MED8: variants seen among roughly 807,000 people sequenced by gnomAD.
The protein encoded by MED8 is mediator complex subunit 8.
MED8 carries 22 observed loss-of-function variants against 34.8 expected under a neutral mutation model. The ratio of observed to expected loss-of-function variants is 0.63; its 90% CI spans 0.45 to 0.90. The LOEUF is 0.90. Ranked by LOEUF, MED8 falls within the 40% of genes least tolerant of loss-of-function variation. The pLI, the probability that MED8 is intolerant of heterozygous loss-of-function variation, is 0.00. For synonymous variants in MED8, 105 were observed against 120.2 expected (o/e 0.87, Z 0.83); for missense variants, 260 against 326.3 (o/e 0.80, Z 1.57).
chr1:43,385,765 TTC>T (rs1230232953), intron 6 of MED8: 1 of 649,300 alleles, frequency 1.5e-6, no homozygotes, highest in Non-Finnish European at 2.6e-6. Flanking sequence ...TTGGAGCAGT[TTC>T]TGTTACTCAA....
At chr1:43,388,232 A>T in intron 2 of MED8, 78 bp downstream of exon 2, 1 of 1,355,414 alleles carries the variant, frequency 7.4e-7, no homozygotes, top group Middle Eastern at 2.3e-4. Flanking sequence ...TGGTTACATC[A>T]TTAGAAATGT....
Position 43,387,408 on chromosome 1 carries a change from T to C in MED8, c.270+95A>G, listed in dbSNP as rs1647771589. On this transcript the variant is annotated intron_variant, in intron 3 of 6. Coordinates refer to ENST00000372457, the MANE Select transcript of MED8 (RefSeq NM_201542.5). ...AAAAAGCAAGGCCTCCAAAATTATT[T>C]CTAGGCTCTCAGCTAATAACTTAAT... 2.0e-6 allele frequency: 3 copies of C among 1,473,862 alleles called. No individual in the cohort carries two copies. In the African/African-American group the frequency reaches 4.3e-5, roughly 21 times the overall value. The allele number at this position is 1,473,862 out of a possible 1,614,324, so 91.3% of individuals were successfully genotyped here.
chr1:43,387,195 C>T (rs1271769056), intron 3 of MED8, among the ~76,000 whole-genome samples, 197 bp from the exon 4 acceptor site: 2 of 152,114 alleles, frequency 1.3e-5, no homozygotes, highest in East Asian at 3.9e-4. Context: ...CCTATCTCTA[C>T]CAGACCTAGG....
Position 43,388,290 on chromosome 1 carries a change from C to G in MED8, c.125+20G>C, listed in dbSNP as rs1163936569. ...CCCCCCACCCATAAGCCCTTCCTAG[C>G]TTGCCCTGGTAACTCTTACCAGGTC... is the stretch of plus-strand genomic sequence containing the variant. On this transcript the variant is annotated intron_variant, in intron 2 of 6. Transcript: ENST00000372457. 5 of 1,611,934 alleles carry G rather than the reference C, an allele frequency of 3.1e-6. No individual in the cohort carries two copies. The highest frequency in any genetic ancestry group is 4.2e-6 in the Non-Finnish European group (5 of 1,179,758).
rs1362600676 is a variant in MED8 at position 43,384,596 on chromosome 1, T to A, written c.*446A>T. ...TCTAAGAACACAGAGGTTGCTACAG[T>A]TTCTGGCAGCACAAAATAAGCATAG... On this transcript the variant is annotated 3_prime_UTR_variant, in exon 7 of 7. Coordinates refer to ENST00000372457, the MANE Select transcript of MED8 (RefSeq NM_201542.5). 2 of 1,555,066 alleles carry A rather than the reference T, an allele frequency of 1.3e-6. No homozygotes were observed. Among genetic ancestry groups the A allele is most frequent in the East Asian group, 4.7e-5 (2 of 42,712 alleles).
At chr1:43,388,648 C>G (rs1647876745) in intron 1 of MED8, 2 of 604,058 alleles carry the variant, frequency 3.3e-6, no homozygotes, top group Non-Finnish European at 5.5e-6. Flanking sequence ...GTCCTTCCAC[C>G]AACTGATTCC....
intron 6 of MED8, 63 bp from the exon 7 acceptor site, chr1:43,385,169 G>A: frequency 6.5e-7 from 1 of 1,540,548 alleles, no homozygotes; most frequent in South Asian, 1.2e-5. Context: ...AATCAGAAAT[G>A]TGGTACCTCA....
At position 43,387,008 on chromosome 1, in the gene MED8, A is replaced by G. The variant is rs1181706151; in HGVS notation, c.271-10T>C. 2 of 1,613,736 alleles carry G rather than the reference A, an allele frequency of 1.2e-6. No individual in the cohort carries two copies. Among genetic ancestry groups the G allele is most frequent in the Admixed American group, 3.3e-5 (2 of 60,012 alleles). ...GTCCTTCAGTCTGCCGCTGTAACAC[A>G]CAGATTTTATTGATCCTACTCTGTA... On this transcript the variant is annotated splice_polypyrimidine_tract_variant and intron_variant, in intron 3 of 6. Coordinates refer to ENST00000372457, the MANE Select transcript of MED8 (RefSeq NM_201542.5).
At position 43,384,735 on chromosome 1, in the gene MED8, T is replaced by A. The variant is rs1030298409; in HGVS notation, c.*307A>T. 1.3e-5 allele frequency: 19 copies of A among 1,433,876 alleles called. No individual in the cohort carries two copies. In the African/African-American group the frequency reaches 2.2e-4, roughly 16 times the overall value. The allele number at this position is 1,433,876 out of a possible 1,614,324, so 88.8% of individuals were successfully genotyped here. On this transcript the variant is annotated 3_prime_UTR_variant, in exon 7 of 7. Transcript: ENST00000372457. ...GGTGGGGAGAAGGATCTGTAGAAAC[T>A]ATCATTTATTGAATACCCATTATTT...
chr1:43,385,885 C>T, intron 6 of MED8, 93 bp downstream of exon 6: 1 of 1,536,448 alleles, frequency 6.5e-7, no homozygotes, highest in East Asian at 2.3e-5. Context: ...GAGAAAACCT[C>T]TAGGTCTAGA....
At chr1:43,387,033 A>G (rs1481042865) in intron 3 of MED8, 35 bp from the exon 4 acceptor site, 3 of 1,608,196 alleles carry the variant, frequency 1.9e-6, no homozygotes, top group Non-Finnish European at 2.5e-6. Flanking sequence ...CCTACTCTGT[A>G]CTCCAAGAAG....
chr1:43,386,471 A>G lies in MED8; in HGVS notation c.493+118T>C, dbSNP rs1302391768. 1.6e-6 allele frequency: 2 copies of G among 1,212,708 alleles called. No individual in the cohort carries two copies. The highest frequency in any genetic ancestry group is 2.3e-6 in the Non-Finnish European group (2 of 856,968). The allele number at this position is 1,212,708 out of a possible 1,614,324, so 75.1% of individuals were successfully genotyped here. Reference sequence around the variant, plus strand: ...AATACAAAAGGCTAACAGAATGGATACAAACCCCAAAGCAGTTCACCCTTG... The same window carrying G: ...AATACAAAAGGCTAACAGAATGGATGCAAACCCCAAAGCAGTTCACCCTTG... On this transcript the variant is annotated intron_variant, in intron 5 of 6. Coordinates refer to ENST00000372457, the MANE Select transcript of MED8 (RefSeq NM_201542.5). This position sits in a 1 kb window ranked among gnomAD's most constrained non-coding sequence, Gnocchi z 4.9.
Position 43,388,632 on chromosome 1 carries a change from C to G in MED8, c.7-204G>C. On this transcript the variant is annotated intron_variant, in intron 1 of 6. Coordinates refer to ENST00000372457, the MANE Select transcript of MED8 (RefSeq NM_201542.5). ...GAGACCTTCCAACCTGTTTGCCTGA[C>G]CCCAAGTCCTTCCACCAACTGATTC... The G allele has an allele frequency of 4.1e-6, 3 of 732,466 alleles. No homozygotes were observed. In the East Asian group the frequency reaches 8.8e-5, roughly 22 times the overall value. 45.4% of individuals were successfully genotyped at this position (732,466 alleles called of 1,614,324 possible).
At chr1:43,385,181 G>C in intron 6 of MED8, 75 bp from the exon 7 acceptor site, 1 of 1,525,216 alleles carries the variant, frequency 6.6e-7, no homozygotes, top group Non-Finnish European at 8.8e-7. Context: ...GGTACCTCAG[G>C]TTCCCTCTGT....
chr1:43,388,517 C>A, intron 1 of MED8, 89 bp from the exon 2 acceptor site: 1 of 1,558,732 alleles, frequency 6.4e-7, no homozygotes. Context: ...TGGTGTGCAA[C>A]ACCAGTCAGG....
In MED8 at chr1:43,384,461, G is replaced by GC; in HGVS notation, c.*580dup. The GC allele has an allele frequency of 1.2e-6, 2 of 1,603,584 alleles. No individual in the cohort carries two copies. The highest frequency in any genetic ancestry group is 1.7e-6 in the Non-Finnish European group (2 of 1,175,032). ...AGCAGGCCCAAGCTTCACCAGAGCT[G>GC]CAGGTGGGCATTTTTTTTTCCTTCC... On this transcript the variant is annotated 3_prime_UTR_variant, in exon 7 of 7. Coordinates refer to ENST00000372457, the MANE Select transcript of MED8 (RefSeq NM_201542.5).
chr1:43,388,618 A>G (rs1647873414), intron 1 of MED8, 190 bp from the exon 2 acceptor site: 1 of 905,998 alleles, frequency 1.1e-6, no homozygotes, highest in Admixed American at 3.0e-5. Context: ...AGACCTTCCA[A>G]CCTGTTTGCC....
In MED8 at chr1:43,386,315, T is replaced by C; in HGVS notation, c.494-89A>G. ...GAAGACCAGTATGAGTGCCAGGGTTTGGAGTTCTGAATTCAGCAACATCTA... is the reference window on the plus strand; with the variant it reads ...GAAGACCAGTATGAGTGCCAGGGTTCGGAGTTCTGAATTCAGCAACATCTA... On this transcript the variant is annotated intron_variant, in intron 5 of 6. Transcript: ENST00000372457. This position sits in a 1 kb window ranked among gnomAD's most constrained non-coding sequence, Gnocchi z 4.9. 6 of 1,493,274 alleles carry C rather than the reference T, an allele frequency of 4.0e-6. No individual in the cohort carries two copies. Among genetic ancestry groups the C allele is most frequent in the Non-Finnish European group, 5.4e-6 (6 of 1,118,252 alleles). 92.5% of individuals were successfully genotyped at this position (1,493,274 alleles called of 1,614,324 possible). A position where few individuals can be genotyped will look rare whatever the true frequency, so the allele number is the denominator to read the frequency against.
Position 43,384,749 on chromosome 1 carries a change from T to C in MED8, c.*293A>G, listed in dbSNP as rs1158461183. 5.6e-6 allele frequency: 8 copies of C among 1,430,764 alleles called. No individual in the cohort carries two copies. The highest frequency in any genetic ancestry group is 4.6e-5 in the South Asian group (3 of 64,530). 88.6% of individuals were successfully genotyped at this position (1,430,764 alleles called of 1,614,324 possible). On this transcript the variant is annotated 3_prime_UTR_variant, in exon 7 of 7. Coordinates refer to ENST00000372457, the MANE Select transcript of MED8 (RefSeq NM_201542.5). ...TCTGTAGAAACTATCATTTATTGAA[T>C]ACCCATTATTTCATATACTGTACTA...
Sources: gnomAD v4.1 joint callset for allele counts (sites outside exome capture counted in the v4.1 genomes callset) on GRCh38, gnomAD v4.1.1 for gene constraint, Gnocchi (gnomAD v3.1) non-coding constraint, MANE v1.5 for transcripts, NCBI Gene and HGNC (gene_info 2026-07-23, HGNC 2026-07-21) for gene names.